Variants in SCAF8 observed in about 807,000 individuals in gnomAD.
The protein encoded by SCAF8 is SR-related CTD associated factor 8, also known as SR-related and CTD-associated factor 8.
SCAF8 carries 23 observed loss-of-function variants against 140.5 expected under a neutral mutation model. The observed-to-expected ratio is 0.16, with a 90% CI of 0.12 to 0.23. The LOEUF (loss-of-function observed/expected upper bound fraction) is 0.23. Among genes scored for constraint, SCAF8 ranks in the 10% least tolerant of loss-of-function variants. The pLI is 1.00. For synonymous variants in SCAF8, 575 were observed against 528.9 expected (o/e 1.09, Z -1.20); for missense variants, 1,397 against 1,555.7 (o/e 0.90, Z 1.72).
At chr6:154,799,739 G>T (rs1267847249) in intron 6 of SCAF8, among the ~76,000 whole-genome samples, 1 of 150,998 alleles carries the variant, frequency 6.6e-6, no homozygotes, top group Non-Finnish European at 1.5e-5. Flanking sequence ...TCTTGTCTTT[G>T]TTTAAATGTC....
At chr6:154,774,399 T>G (rs768892935) in intron 2 of SCAF8, among the ~76,000 whole-genome samples, 2 of 152,190 alleles carry the variant, frequency 1.3e-5, no homozygotes, top group African/African-American at 2.4e-5. Flanking sequence ...ACATTTAACA[T>G]TTTGATAAAT....
intron 1 of SCAF8, among the ~76,000 whole-genome samples, chr6:154,753,792 T>G (rs1778899428): frequency 6.6e-6 from 1 of 152,168 alleles, no homozygotes; most frequent in Non-Finnish European, 1.5e-5. Flanking sequence ...GGTGCAGGAA[T>G]GAGACCTTTT....
intron 1 of SCAF8, among the ~76,000 whole-genome samples, chr6:154,748,107 TG>T (rs1264571507): frequency 1.3e-5 from 2 of 152,216 alleles, no homozygotes; most frequent in African/African-American, 4.8e-5. Flanking sequence ...CTTCCTTTTT[TG>T]TGAAGTGTAA....
At chr6:154,788,047 G>A (rs200899586) in intron 4 of SCAF8, 25 bp downstream of exon 4, 53 of 1,493,692 alleles carry the variant, frequency 3.5e-5, no homozygotes, top group Non-Finnish European at 4.5e-5. Context: ...TTTTTTTTTT[G>A]TTTTTTTAAA....
At chr6:154,764,701 A>G (rs1776513165) in intron 1 of SCAF8, among the ~76,000 whole-genome samples, 1 of 152,186 alleles carries the variant, frequency 6.6e-6, no homozygotes, top group South Asian at 2.1e-4. Flanking sequence ...GGAGAGCCCA[A>G]GCCTTCGCAG....
chr6:154,770,282 C>T (rs763617186), intron 1 of SCAF8, among the ~76,000 whole-genome samples: 4 of 151,710 alleles, frequency 2.6e-5, no homozygotes, highest in Non-Finnish European at 4.4e-5. Context: ...AACAAAACCC[C>T]GTCTTTACAA....
At chr6:154,739,727 C>G (rs1021971953) in intron 1 of SCAF8, among the ~76,000 whole-genome samples, 1 of 152,122 alleles carries the variant, frequency 6.6e-6, no homozygotes, top group Non-Finnish European at 1.5e-5. Flanking sequence ...AATTTAATAT[C>G]CACTACATTT....
intron 1 of SCAF8, among the ~76,000 whole-genome samples, chr6:154,754,675 T>C (rs1778920489): frequency 6.6e-6 from 1 of 152,234 alleles, no homozygotes; most frequent in Admixed American, 6.5e-5. Context: ...CCCTGTCTCT[T>C]TCAAATTTTT....
chr6:154,814,552 A>G (rs1175531318), intron 12 of SCAF8, among the ~76,000 whole-genome samples: 1 of 152,206 alleles, frequency 6.6e-6, no homozygotes, highest in African/African-American at 2.4e-5. Flanking sequence ...TAGGGCACTC[A>G]GTAGTGATCT....
upstream of SCAF8, chr6:154,733,412 C>T (rs939696878): frequency 2.2e-5 from 31 of 1,398,012 alleles, no homozygotes; most frequent in African/African-American, 7.5e-5. Context: ...GACTCGAGTC[C>T]GCCATATTGG....
chr6:154,736,676 C>A (rs1280879648), intron 1 of SCAF8, among the ~76,000 whole-genome samples: 2 of 152,062 alleles, frequency 1.3e-5, no homozygotes, highest in African/African-American at 4.8e-5. Flanking sequence ...TCCAGTTTTT[C>A]GTTTTAATAT....
At chr6:154,808,660 T>C (rs1470072349) in intron 10 of SCAF8, 26 bp from the exon 11 acceptor site, 2 of 1,417,856 alleles carry the variant, frequency 1.4e-6, no homozygotes, top group Admixed American at 3.4e-5. Context: ...CCTTTCTGTT[T>C]GTTTGCTGTT....
In SCAF8 at chr6:154,833,507, C is replaced by A; in HGVS notation, c.*112C>A. 1.0e-6 allele frequency: 1 copy of A among 988,614 alleles called. No homozygotes were observed. The highest frequency in any genetic ancestry group is 1.5e-6 in the Non-Finnish European group (1 of 669,706). 61.2% of individuals were successfully genotyped at this position (988,614 alleles called of 1,614,324 possible). ...TTTTGTCTGCCAGAATTAAGTTAAT[C>A]TGATGTTCATGTTCACCTTTCTCTT... is the stretch of plus-strand genomic sequence containing the variant. On this transcript the variant is annotated 3_prime_UTR_variant, in exon 20 of 20. Coordinates refer to ENST00000367178, the MANE Select transcript of SCAF8 (RefSeq NM_014892.5).
intron 6 of SCAF8, among the ~76,000 whole-genome samples, chr6:154,800,566 A>T (rs547506387): frequency 6.6e-6 from 1 of 151,646 alleles, no homozygotes; most frequent in African/African-American, 2.4e-5. Flanking sequence ...ACATGATCTT[A>T]ACAGTACTTT....
chr6:154,815,170 G>GCTA (rs1583060839), intron 12 of SCAF8, among the ~76,000 whole-genome samples: 1 of 152,118 alleles, frequency 6.6e-6, no homozygotes, highest in East Asian at 1.9e-4. Flanking sequence ...GGTGGCGGGC[G>GCTA]CCTGTAGTCC....
chr6:154,830,428 T>A (rs1174833664), intron 18 of SCAF8, among the ~76,000 whole-genome samples: 1 of 152,208 alleles, frequency 6.6e-6, no homozygotes, highest in Non-Finnish European at 1.5e-5. Context: ...ATGGAAAGTT[T>A]ATAGCTTCAT....
At chr6:154,828,328 A>G (rs1399865816) in intron 18 of SCAF8, among the ~76,000 whole-genome samples, 3 of 151,976 alleles carry the variant, frequency 2.0e-5, no homozygotes, top group African/African-American at 4.8e-5. Flanking sequence ...GGTAGATGCT[A>G]TTTTTTTCTT....
intron 1 of SCAF8, among the ~76,000 whole-genome samples, chr6:154,751,536 G>A (rs925304873): frequency 3.3e-5 from 5 of 152,050 alleles, no homozygotes; most frequent in African/African-American, 4.8e-5. Flanking sequence ...CCAAAACTAC[G>A]AATTTTAGAC....
intron 7 of SCAF8, among the ~76,000 whole-genome samples, chr6:154,802,520 G>A (rs1055734137): frequency 1.3e-5 from 2 of 152,026 alleles, no homozygotes; most frequent in Non-Finnish European, 2.9e-5. Context: ...GGGAGGCTGA[G>A]GAAGGAGAAT....
Sources: gnomAD v4.1 joint callset for allele counts (sites outside exome capture counted in the v4.1 genomes callset) on GRCh38, gnomAD v4.1.1 for gene constraint, MANE v1.5 for transcripts, NCBI Gene and HGNC (gene_info 2026-07-23, HGNC 2026-07-21) for gene names.